SLC25A16: variants seen among roughly 807,000 people sequenced by gnomAD.
SLC25A16 encodes solute carrier family 25 member 16.
Under a neutral mutation model 41.5 loss-of-function variants are expected in SLC25A16, and 39 were observed. The ratio of observed to expected loss-of-function variants is 0.94; its 90% CI spans 0.73 to 1.23. The LOEUF (loss-of-function observed/expected upper bound fraction) is 1.23, where lower values mean the gene tolerates loss of function less well. Ranked by LOEUF, SLC25A16 falls within the 50% of genes most tolerant of loss-of-function variation. The pLI is 0.00. For missense variants in SLC25A16, 421 were observed against 426.9 expected, an observed-to-expected ratio of 0.99 and a Z score of 0.12; for synonymous variants, 146 against 147.8, an observed-to-expected ratio of 0.99 and a Z score of 0.09.
chr10:68,498,334 T>C (rs2133530846), intron 4 of SLC25A16, among the ~76,000 whole-genome samples: 1 of 151,698 alleles, frequency 6.6e-6, no homozygotes, highest in South Asian at 2.1e-4. Flanking sequence ...TTTTTTTTTT[T>C]TTTTGAGACA....
chr10:68,494,548 AGAAAGG>A (rs1343638515), intron 4 of SLC25A16, among the ~76,000 whole-genome samples: 2 of 146,342 alleles, frequency 1.4e-5, no homozygotes, highest in African/African-American at 5.1e-5. Context: ...AGAGAGAGAG[AGAAAGG>A]AAGGAAGGAA....
At chr10:68,513,422 G>GA (rs143827976) in intron 2 of SLC25A16, among the ~76,000 whole-genome samples, 17 of 129,296 alleles carry the variant, frequency 1.3e-4, no homozygotes, top group Non-Finnish European at 1.7e-4. Flanking sequence ...AAAAAAAGAG[G>GA]AAAAAAAAAA....
chr10:68,497,621 A>ATT (rs565594457), intron 4 of SLC25A16, among the ~76,000 whole-genome samples: 1 of 140,066 alleles, frequency 7.1e-6, no homozygotes, highest in Admixed American at 7.1e-5. Context: ...TTTTTTTTTA[A>ATT]TTTTTTTTTT....
chr10:68,501,474 AAAAC>A (rs137995808), intron 4 of SLC25A16, among the ~76,000 whole-genome samples: 11,633 of 150,502 alleles, frequency 0.077, 694 homozygotes, highest in African/African-American at 0.16. Context: ...AGCCTATCTC[AAAAC>A]AAACAAACAA....
chr10:68,515,794 G>A (rs1331576407), intron 2 of SLC25A16, among the ~76,000 whole-genome samples: 1 of 149,386 alleles, frequency 6.7e-6, no homozygotes, highest in Non-Finnish European at 1.5e-5. Flanking sequence ...GCGAAACTCT[G>A]CCTCAAAAAA....
At chr10:68,519,376 AC>A (rs2053213863) in intron 1 of SLC25A16, among the ~76,000 whole-genome samples, 1 of 151,038 alleles carries the variant, frequency 6.6e-6, no homozygotes, top group Non-Finnish European at 1.5e-5. Flanking sequence ...AATCCCAGCT[AC>A]TCGGGAGGCT....
chr10:68,527,242 C>T lies in SLC25A16; in HGVS notation c.130+4G>A, dbSNP rs749049037. On this transcript the variant is annotated splice_donor_region_variant and intron_variant, in intron 1 of 8. Coordinates refer to ENST00000609923, the MANE Select transcript of SLC25A16 (RefSeq NM_152707.4). Reference sequence around the variant, plus strand: ...GCGGCTGGCTCTTCGTGGCATGGACCCACCTCCGGCCAGAAAGGAGCGCAG... The same window carrying T: ...GCGGCTGGCTCTTCGTGGCATGGACTCACCTCCGGCCAGAAAGGAGCGCAG... 15 of 1,547,548 alleles carry T rather than the reference C, an allele frequency of 9.7e-6. No homozygotes were observed. Among genetic ancestry groups the T allele is most frequent in the African/African-American group, 1.4e-5 (1 of 72,218 alleles).
Position 68,483,230 on chromosome 10 carries a change from C to T in SLC25A16, c.*202G>A. ...GCTTAGGAATATTTTCTTCAATGTTCTAAGGTATAATGTTTGGCATCAAAA... is the reference window on the plus strand; with the variant it reads ...GCTTAGGAATATTTTCTTCAATGTTTTAAGGTATAATGTTTGGCATCAAAA... On this transcript the variant is annotated 3_prime_UTR_variant, in exon 9 of 9. Coordinates refer to ENST00000609923, the MANE Select transcript of SLC25A16 (RefSeq NM_152707.4). The T allele has an allele frequency of 8.9e-6, 4 of 447,276 alleles. No homozygotes were observed. The highest frequency in any genetic ancestry group is 1.6e-5 in the Non-Finnish European group (4 of 252,804). 27.7% of individuals were successfully genotyped at this position (447,276 alleles called of 1,614,324 possible). A position where few individuals can be genotyped will look rare whatever the true frequency, so the allele number is the denominator to read the frequency against.
In SLC25A16 at chr10:68,488,553, T is replaced by A. The variant is rs140739262; in HGVS notation, c.687A>T (p.Ser229=). The change falls in exon 7 of 9, where the codon TCA becomes TCT. Residue 229 remains serine, a synonymous_variant. Transcript: ENST00000609923. ...AAACTAAGACATTAGGATTGTCTGA[T>A]GAAGGTCTGCCAAGAAGGGTAGGAG... ...SHAPTLLGRP[S]SDNPNVLVLK... 3.7e-5 allele frequency: 59 copies of A among 1,603,124 alleles called. No homozygotes were observed. The African/African-American group carries it at 6.3e-4, about 17-fold the overall frequency.
chr10:68,510,877 TA>T (rs989123100), intron 2 of SLC25A16, among the ~76,000 whole-genome samples: 4 of 151,652 alleles, frequency 2.6e-5, no homozygotes, highest in Non-Finnish European at 5.9e-5. Context: ...AGAGCAAAAT[TA>T]AAAAAACTAT....
At chr10:68,521,345 G>A (rs181765203) in intron 1 of SLC25A16, among the ~76,000 whole-genome samples, 8 of 152,150 alleles carry the variant, frequency 5.3e-5, no homozygotes, top group Admixed American at 3.3e-4. Flanking sequence ...AGACCAGCCT[G>A]GCCAACATGG....
At chr10:68,495,703 AC>A (rs1234449919) in intron 4 of SLC25A16, among the ~76,000 whole-genome samples, 1 of 144,836 alleles carries the variant, frequency 6.9e-6, no homozygotes, top group Non-Finnish European at 1.5e-5. Flanking sequence ...GAATCCTTGA[AC>A]CCGGGAGGCA....
chr10:68,494,277 C>T (rs908808990), intron 4 of SLC25A16, among the ~76,000 whole-genome samples: 5 of 151,946 alleles, frequency 3.3e-5, no homozygotes, highest in African/African-American at 1.2e-4. Flanking sequence ...TCCTGGCCAA[C>T]ATGGTGAAAC....
At chr10:68,495,061 C>A (rs1032293720) in intron 4 of SLC25A16, among the ~76,000 whole-genome samples, 3 of 152,064 alleles carry the variant, frequency 2.0e-5, no homozygotes, top group Non-Finnish European at 2.9e-5. Flanking sequence ...GTGAACAGAT[C>A]GCTTGAGCCC....
chr10:68,486,984 AAC>A, intron 8 of SLC25A16, 158 bp downstream of exon 8: 1 of 413,872 alleles, frequency 2.4e-6, no homozygotes, highest in South Asian at 3.3e-5. Context: ...AAAAAAAAAG[AAC>A]CTGATTGCCT....
rs10544543 is a variant in SLC25A16 at position 68,480,490 on chromosome 10, C to CTTTTTT, written c.*2936_*2941dup. On this transcript the variant is annotated 3_prime_UTR_variant, in exon 9 of 9. Transcript: ENST00000609923. The stretch of plus-strand genomic sequence containing the variant: ...TTTACTGATAACCTAACTGAGGTAT[C>CTTTTTT]TTTTTTTTTTTTTTTTTTTTTTTTG... 4 of 69,480 alleles carry CTTTTTT rather than the reference C, an allele frequency of 5.8e-5. No individual in the cohort carries two copies. Among genetic ancestry groups the CTTTTTT allele is most frequent in the Non-Finnish European group, 7.8e-5 (3 of 38,498 alleles). The allele number at this position is 69,480 out of a possible 1,614,324, so 4.3% of individuals were successfully genotyped here.
chr10:68,525,539 G>C (rs189583289), intron 1 of SLC25A16, among the ~76,000 whole-genome samples: 1 of 152,038 alleles, frequency 6.6e-6, no homozygotes, highest in Non-Finnish European at 1.5e-5. Context: ...CTGGAGCCTC[G>C]ATCTCCTGGA....
chr10:68,523,991 T>G (rs981250046), intron 1 of SLC25A16, among the ~76,000 whole-genome samples: 1 of 151,498 alleles, frequency 6.6e-6, no homozygotes, highest in African/African-American at 2.4e-5. Context: ...ATCCCACCAC[T>G]CTGGGAGGCC....
intron 6 of SLC25A16, among the ~76,000 whole-genome samples, chr10:68,491,006 C>T (rs1361544498): frequency 6.6e-6 from 1 of 151,944 alleles, no homozygotes; most frequent in Non-Finnish European, 1.5e-5. Flanking sequence ...CCTCTTAACT[C>T]AGCTTCTCAA....
Sources: allele counts gnomAD v4.1 joint callset (sites outside exome capture counted in the v4.1 genomes callset), GRCh38; gene constraint gnomAD v4.1.1; transcripts MANE v1.5; gene names NCBI Gene and HGNC (gene_info 2026-07-23, HGNC 2026-07-21).